The following ARHGAP40 variants were observed in gnomAD, a reference collection of about 807,000 sequenced individuals.
ARHGAP40 encodes the protein rho GTPase-activating protein 40.
ARHGAP40 carries 43 observed loss-of-function variants against 73.5 expected under a neutral mutation model. That is an observed-to-expected ratio of 0.58 (90% confidence interval 0.46 to 0.75). The LOEUF (loss-of-function observed/expected upper bound fraction) is 0.75. Among genes scored for constraint, ARHGAP40 ranks in the 30% least tolerant of loss-of-function variants. The pLI, the probability that ARHGAP40 is intolerant of heterozygous loss-of-function variation, is 0.00. For synonymous variants in ARHGAP40, 300 were observed against 352.8 expected, an observed-to-expected ratio of 0.85 and a Z score of 1.68; for missense variants, 734 against 861.8, an observed-to-expected ratio of 0.85 and a Z score of 1.86.
chr20:38,625,664 C>G (rs1324388182), intron 2 of ARHGAP40, among the ~76,000 whole-genome samples: 1 of 152,132 alleles, frequency 6.6e-6, no homozygotes, highest in Admixed American at 6.5e-5. Context: ...GGTGATCTGC[C>G]CACCTTGGCC....
intron 11 of ARHGAP40, among the ~76,000 whole-genome samples, 182 bp from the exon 12 acceptor site, chr20:38,645,865 G>C (rs2089048659): frequency 6.6e-6 from 1 of 152,280 alleles, no homozygotes; most frequent in African/African-American, 2.4e-5. Context: ...CCACTTTAGG[G>C]GCTGAATGCC....
intron 9 of ARHGAP40, among the ~76,000 whole-genome samples, chr20:38,640,064 C>T (rs546425532): frequency 3.9e-5 from 6 of 152,064 alleles, no homozygotes; most frequent in Admixed American, 1.3e-4. Flanking sequence ...TTCTCACGAC[C>T]GCAGCGTTTT....
chr20:38,615,863 T>C (rs1181319039), intron 1 of ARHGAP40, among the ~76,000 whole-genome samples: 1 of 152,192 alleles, frequency 6.6e-6, no homozygotes, highest in Non-Finnish European at 1.5e-5. Flanking sequence ...GCGACGATTG[T>C]GTACTCCCGC....
intron 1 of ARHGAP40, among the ~76,000 whole-genome samples, chr20:38,618,885 G>A (rs2145599273): frequency 6.6e-6 from 1 of 152,302 alleles, no homozygotes; most frequent in Non-Finnish European, 1.5e-5. Flanking sequence ...ACAGATTCAA[G>A]GGGAGGAGAC....
At chr20:38,603,318 G>A (rs567667643) in intron 1 of ARHGAP40, among the ~76,000 whole-genome samples, 12 of 152,314 alleles carry the variant, frequency 7.9e-5, no homozygotes, top group Admixed American at 7.8e-4. Flanking sequence ...TATGTGCGTG[G>A]GGCTCTGCCC....
At chr20:38,622,850 C>G (rs1486468343) in intron 1 of ARHGAP40, among the ~76,000 whole-genome samples, 1 of 152,146 alleles carries the variant, frequency 6.6e-6, no homozygotes, top group Non-Finnish European at 1.5e-5. Context: ...CCTCTGTGAT[C>G]AGGTACCTGC....
At chr20:38,601,961 C>T (rs1207675319) in exon 1 of ARHGAP40, 5 of 1,287,948 alleles carry the variant, frequency 3.9e-6, no homozygotes, top group Non-Finnish European at 4.0e-6. Flanking sequence ...GCCTGCCCTC[C>T]TCCCCGCCGC....
chr20:38,605,027 G>T (rs1362600185), intron 1 of ARHGAP40, among the ~76,000 whole-genome samples: 1 of 151,950 alleles, frequency 6.6e-6, no homozygotes, highest in East Asian at 1.9e-4. Flanking sequence ...GGCTCACAAG[G>T]TCACTAGGTC....
intron 1 of ARHGAP40, among the ~76,000 whole-genome samples, chr20:38,616,318 G>T (rs913193941): frequency 1.3e-4 from 20 of 152,198 alleles, no homozygotes; most frequent in African/African-American, 4.6e-4. Flanking sequence ...TCAATTCATT[G>T]CTCCACAACA....
At chr20:38,636,925 TG>T (rs1203351852) in intron 6 of ARHGAP40, among the ~76,000 whole-genome samples, 2 of 151,826 alleles carry the variant, frequency 1.3e-5, no homozygotes, top group African/African-American at 4.8e-5. Context: ...CTAGCAGAGG[TG>T]GGGTAGGCCA....
At chr20:38,612,613 T>C (rs910242273) in intron 1 of ARHGAP40, among the ~76,000 whole-genome samples, 1 of 152,018 alleles carries the variant, frequency 6.6e-6, no homozygotes, top group African/African-American at 2.4e-5. Context: ...GAGGTTTCTG[T>C]GAGCTGAGAT....
Position 38,646,876 on chromosome 20 carries a change from A to G in ARHGAP40, c.1711-81A>G, listed in dbSNP as rs1601152757. The G allele has an allele frequency of 8.3e-7, 1 of 1,207,784 alleles. No homozygotes were observed. The highest frequency in any genetic ancestry group is 1.1e-6 in the Non-Finnish European group (1 of 923,168). 74.8% of individuals were successfully genotyped at this position (1,207,784 alleles called of 1,614,324 possible). A position where few individuals can be genotyped will look rare whatever the true frequency, so the allele number is the denominator to read the frequency against. ...GTGGGCATTTGCGTAAGTGCCATGT[A>G]TGCGTGTTTATGCATCCACGTTGGA... On this transcript the variant is annotated intron_variant, in intron 12 of 14. Coordinates refer to ENST00000373345, the Ensembl canonical transcript of ARHGAP40. This position sits in a 1 kb window ranked among gnomAD's most constrained non-coding sequence, Gnocchi z 4.5.
At chr20:38,622,836 A>T (rs1419927916) in intron 1 of ARHGAP40, among the ~76,000 whole-genome samples, 2 of 152,154 alleles carry the variant, frequency 1.3e-5, no homozygotes, top group South Asian at 2.1e-4. Context: ...AGTGATGTAT[A>T]GCACCTCTGT....
At chr20:38,622,633 A>G (rs2088879385) in intron 1 of ARHGAP40, among the ~76,000 whole-genome samples, 1 of 152,168 alleles carries the variant, frequency 6.6e-6, no homozygotes, top group Non-Finnish European at 1.5e-5. Flanking sequence ...CATAGCCTGG[A>G]TCATGAAAGG....
At chr20:38,614,376 T>C (rs1005833516) in intron 1 of ARHGAP40, among the ~76,000 whole-genome samples, 2 of 152,188 alleles carry the variant, frequency 1.3e-5, no homozygotes, top group African/African-American at 4.8e-5. Context: ...TTTTTTGAGT[T>C]GGGTCCATTT....
At position 38,626,868 on chromosome 20, in the gene ARHGAP40, C is replaced by T. The variant is rs535911524; in HGVS notation, c.338-127C>T. 3 of 665,418 alleles carry T rather than the reference C, an allele frequency of 4.5e-6. No individual in the cohort carries two copies. In the East Asian group the frequency reaches 2.0e-4, roughly 45 times the overall value. 41.2% of individuals were successfully genotyped at this position (665,418 alleles called of 1,614,324 possible). On this transcript the variant is annotated intron_variant, in intron 2 of 14. Transcript: ENST00000373345. ...GAGAGTCTGGTTGGTGTTAATAGGT[C>T]TCACGATCAGATATGCAGAAACTCC...
intron 1 of ARHGAP40, among the ~76,000 whole-genome samples, chr20:38,618,100 C>CTT (rs745926184): frequency 0.022 from 3,079 of 141,698 alleles, 105 homozygotes; most frequent in African/African-American, 0.072. Context: ...AATTTCTTGA[C>CTT]TTTTTTTTTT....
At chr20:38,620,709 A>G (rs2088869351) in intron 1 of ARHGAP40, among the ~76,000 whole-genome samples, 1 of 152,194 alleles carries the variant, frequency 6.6e-6, no homozygotes, top group South Asian at 2.1e-4. Flanking sequence ...TCTCCAGTGA[A>G]GCTTCTGCTC....
chr20:38,643,808 A>C, exon 11 of ARHGAP40: 21 of 1,305,596 alleles, frequency 1.6e-5, no homozygotes, highest in Non-Finnish European at 2.1e-5. Flanking sequence ...TTCTGCACCA[A>C]GGGCGGCCCC....
Sources: allele counts gnomAD v4.1 joint callset (sites outside exome capture counted in the v4.1 genomes callset), GRCh38; gene constraint gnomAD v4.1.1; non-coding constraint Gnocchi (gnomAD v3.1); transcripts MANE v1.5; gene names NCBI Gene and HGNC (gene_info 2026-07-23, HGNC 2026-07-21).